The following ADAMTS14 variants were observed in gnomAD, a reference collection of about 807,000 sequenced individuals.
ADAMTS14 encodes the protein A disintegrin and metalloproteinase with thrombospondin motifs 14.
A neutral mutation model predicts 128.6 loss-of-function variants in ADAMTS14; 100 were observed. The ratio of observed to expected loss-of-function variants is 0.78; its 90% CI spans 0.66 to 0.92. ADAMTS14 has a LOEUF of 0.92. ADAMTS14 is among the 40% of genes least tolerant of loss of function. The pLI, the probability that ADAMTS14 is intolerant of heterozygous loss-of-function variation, is 0.00. For missense variants in ADAMTS14, 1,562 were observed against 1,658.6 expected (o/e 0.94, Z 1.01); for synonymous variants, 665 against 653.8 (o/e 1.02, Z -0.26).
chr10:70,736,117 G>A (rs977287431), intron 9 of ADAMTS14, among the ~76,000 whole-genome samples: 2 of 152,246 alleles, frequency 1.3e-5, no homozygotes, highest in Non-Finnish European at 2.9e-5. Flanking sequence ...TGCTGTACTT[G>A]TAGGATGCTT....
At chr10:70,685,454 C>T (rs1222705314) in intron 2 of ADAMTS14, among the ~76,000 whole-genome samples, 2 of 152,224 alleles carry the variant, frequency 1.3e-5, no homozygotes, top group Non-Finnish European at 2.9e-5. Flanking sequence ...CCCAGCTCAG[C>T]GTACTTTCCA....
chr10:70,687,409 C>A (rs1840009488), intron 2 of ADAMTS14, among the ~76,000 whole-genome samples: 1 of 44,196 alleles, frequency 2.3e-5, no homozygotes. Context: ...GTAGGGGCGG[C>A]CGGGCAGAGG....
intron 2 of ADAMTS14, among the ~76,000 whole-genome samples, chr10:70,685,385 C>T (rs925626314): frequency 2.0e-5 from 3 of 152,234 alleles, no homozygotes; most frequent in African/African-American, 4.8e-5. Flanking sequence ...AAGGAGCTCC[C>T]TGTCAACATA....
chr10:70,673,242 T>A (rs1186462296), intron 1 of ADAMTS14, among the ~76,000 whole-genome samples: 1 of 151,068 alleles, frequency 6.6e-6, no homozygotes, highest in Non-Finnish European at 1.5e-5. Context: ...TGTCTCCAAC[T>A]TGTGTGAGCA....
chr10:70,683,095 G>A (rs1302578701), intron 2 of ADAMTS14, among the ~76,000 whole-genome samples: 1 of 152,216 alleles, frequency 6.6e-6, no homozygotes, highest in Non-Finnish European at 1.5e-5. Flanking sequence ...CTGCGCCCTG[G>A]CAGGCCCTGC....
chr10:70,725,501 A>G (rs1488692546), intron 4 of ADAMTS14, among the ~76,000 whole-genome samples: 1 of 152,194 alleles, frequency 6.6e-6, no homozygotes, highest in Non-Finnish European at 1.5e-5. Context: ...GGGCACCAGC[A>G]GATTTGGTGA....
intron 5 of ADAMTS14, 129 bp from the exon 6 acceptor site, chr10:70,729,973 T>A: frequency 9.1e-7 from 1 of 1,095,402 alleles, no homozygotes; most frequent in Non-Finnish European, 1.3e-6. Context: ...GGACAGCTGG[T>A]GATCTTGGGG....
chr10:70,701,007 T>A (rs1393553231), intron 2 of ADAMTS14, among the ~76,000 whole-genome samples: 1 of 152,258 alleles, frequency 6.6e-6, no homozygotes, highest in Non-Finnish European at 1.5e-5. Context: ...CATTTGTCCC[T>A]GGGAACATTT....
intron 2 of ADAMTS14, among the ~76,000 whole-genome samples, chr10:70,685,350 A>G (rs1839923628): frequency 6.6e-6 from 1 of 152,224 alleles, no homozygotes. Flanking sequence ...TAATATTTAC[A>G]TGCTGCTTCA....
intron 4 of ADAMTS14, among the ~76,000 whole-genome samples, chr10:70,721,942 G>T (rs1432534384): frequency 6.6e-6 from 1 of 152,186 alleles, no homozygotes; most frequent in Non-Finnish European, 1.5e-5. Context: ...ATTTGATGCT[G>T]GAGCCAGATT....
At chr10:70,721,026 T>C (rs1020792859) in intron 4 of ADAMTS14, among the ~76,000 whole-genome samples, 59 of 139,190 alleles carry the variant, frequency 4.2e-4, no homozygotes, top group South Asian at 7.4e-4. Context: ...TTTCTTTTTT[T>C]TTTTTTTTTT....
At chr10:70,705,171 G>A (rs1840623367) in intron 3 of ADAMTS14, among the ~76,000 whole-genome samples, 1 of 152,182 alleles carries the variant, frequency 6.6e-6, no homozygotes, top group Non-Finnish European at 1.5e-5. Flanking sequence ...CAGAGTCCAG[G>A]GGCAGGAATT....
chr10:70,685,878 G>C (rs1167013464), intron 2 of ADAMTS14, among the ~76,000 whole-genome samples: 1 of 152,184 alleles, frequency 6.6e-6, no homozygotes, highest in African/African-American at 2.4e-5. Context: ...CCCACTATGA[G>C]GGGGAGGGCT....
chr10:70,721,948 A>G (rs1841280882), intron 4 of ADAMTS14, among the ~76,000 whole-genome samples: 1 of 152,210 alleles, frequency 6.6e-6, no homozygotes, highest in African/African-American at 2.4e-5. Flanking sequence ...TGCTGGAGCC[A>G]GATTGATTTT....
intron 21 of ADAMTS14, among the ~76,000 whole-genome samples, chr10:70,759,798 G>A (rs940153510): frequency 1.3e-5 from 2 of 152,178 alleles, no homozygotes; most frequent in Non-Finnish European, 2.9e-5. Flanking sequence ...CAGACTCCTT[G>A]GGTTGATTGG....
intron 2 of ADAMTS14, among the ~76,000 whole-genome samples, chr10:70,694,271 G>A (rs190244491): frequency 1.3e-5 from 2 of 152,342 alleles, no homozygotes; most frequent in Non-Finnish European, 2.9e-5. Flanking sequence ...TGTGTGAGTC[G>A]TCCCTTTGTG....
intron 2 of ADAMTS14, among the ~76,000 whole-genome samples, chr10:70,684,126 C>CGGGAGCAGGAGCAAGATA (rs1279814140): frequency 2.2e-4 from 33 of 151,452 alleles, no homozygotes; most frequent in African/African-American, 7.5e-4. Flanking sequence ...TCTCGCATGG[C>CGGGAGCAGGAGCAAGATA]GGGAGCAGGA....
intron 16 of ADAMTS14, 32 bp downstream of exon 16, chr10:70,750,017 GC>G: frequency 6.2e-7 from 1 of 1,606,856 alleles, no homozygotes; most frequent in Non-Finnish European, 8.5e-7. Flanking sequence ...GGCAACCCCT[GC>G]CCACCCCACT....
chr10:70,736,682 C>G lies in ADAMTS14; in HGVS notation c.1488C>G (p.Phe496Leu). ...GACCCCATTCCCTTGCCATGCAGTT[C>G]AGGACCTTTGAGCCCTGCAAGCAGC... Reference protein sequence around the residue: ...FGSGYQTCLAFRTFEPCKQLW... With the variant: ...FGSGYQTCLALRTFEPCKQLW... Residue 496 changes from phenylalanine (F) to leucine (L), a missense_variant and splice_region_variant, in exon 10 of 22, where the codon TTC (phenylalanine) becomes TTG (leucine). Coordinates refer to ENST00000373207, the MANE Select transcript of ADAMTS14 (RefSeq NM_080722.4). The G allele has an allele frequency of 1.2e-6, 2 of 1,613,632 alleles. No homozygotes were observed. The highest frequency in any genetic ancestry group is 1.7e-6 in the Non-Finnish European group (2 of 1,179,724).
Sources: gnomAD v4.1 joint callset for allele counts (sites outside exome capture counted in the v4.1 genomes callset) on GRCh38, gnomAD v4.1.1 for gene constraint, MANE v1.5 for transcripts, NCBI Gene and HGNC (gene_info 2026-07-23, HGNC 2026-07-21) for gene names.